CLCN5: variants seen among roughly 807,000 people sequenced by gnomAD.
CLCN5 encodes the protein Cl-/H+ antiporter 5, also known as H(+)/Cl(-) exchange transporter 5.
In CLCN5, 17 loss-of-function variants were observed where a neutral mutation model predicts 54.0. The ratio of observed to expected loss-of-function variants is 0.31; its 90% CI spans 0.22 to 0.47. The LOEUF is 0.47. Ranked by LOEUF, CLCN5 falls within the 20% of genes least tolerant of loss-of-function variation. The pLI is 1.00. For missense variants in CLCN5, 448 were observed against 646.7 expected, an observed-to-expected ratio of 0.69 and a Z score of 3.33; for synonymous variants, 222 against 233.0, an observed-to-expected ratio of 0.95 and a Z score of 0.43.
At chrX:50,031,283 C>T (rs1008547013) in intron 3 of CLCN5, among the ~76,000 whole-genome samples, 6 of 111,682 alleles carry the variant, frequency 5.4e-5, no homozygotes, top group African/African-American at 1.3e-4. Context: ...CTCCTTTGGG[C>T]GAATTTACAG....
Position 50,092,543 on chromosome X carries a change from A to G in CLCN5, c.*324A>G. 1 of 240,112 alleles carries G rather than the reference A, an allele frequency of 4.2e-6. No homozygotes were observed. Among genetic ancestry groups the G allele is most frequent in the Non-Finnish European group, 7.6e-6 (1 of 132,430 alleles). The allele number at this position is 240,112 out of a possible 1,213,427, so 19.8% of individuals were successfully genotyped here. On this transcript the variant is annotated 3_prime_UTR_variant, in exon 15 of 15. Coordinates refer to ENST00000376091, the MANE Select transcript of CLCN5 (RefSeq NM_001127898.4). ...TAGTTAGCCAATATGCAATCACTGA[A>G]AACTATGCAAGAGAAATTCCAACCG...
intron 4 of CLCN5, among the ~76,000 whole-genome samples, chrX:50,056,263 G>T (rs781874822): frequency 1.9e-4 from 21 of 110,568 alleles, no homozygotes; most frequent in South Asian, 3.9e-4. Flanking sequence ...GAGAATTGCT[G>T]CTTCTAAAAC....
At chrX:50,036,139 A>G (rs782217140) in intron 3 of CLCN5, among the ~76,000 whole-genome samples, 2 of 111,854 alleles carry the variant, frequency 1.8e-5, no homozygotes, top group Non-Finnish European at 3.8e-5. Flanking sequence ...TATGGATTCA[A>G]ATCTCAACTC....
At chrX:49,971,602 A>G (rs1416411182) in intron 3 of CLCN5, among the ~76,000 whole-genome samples, 1 of 111,333 alleles carries the variant, frequency 9.0e-6, no homozygotes, top group African/African-American at 3.3e-5. Context: ...CCTGGGAGTG[A>G]ACTGGGATGA....
chrX:50,077,617 AGAGAGTGTGTGTGTGTGT>A (rs1329317464), intron 7 of CLCN5, among the ~76,000 whole-genome samples: 1 of 91,403 alleles, frequency 1.1e-5, no homozygotes, highest in Non-Finnish European at 2.1e-5. Context: ...AGAGAGAGAG[AGAGAGTGTGTGTGTGTGT>A]GTGTGTGTGT....
chrX:49,999,594 A>G (rs1929701043), intron 3 of CLCN5, among the ~76,000 whole-genome samples: 1 of 111,244 alleles, frequency 9.0e-6, no homozygotes, highest in African/African-American at 3.3e-5. Context: ...AATAAAAAAA[A>G]TAATCTGCCC....
At chrX:49,962,144 AT>A (rs1397051586) in intron 3 of CLCN5, among the ~76,000 whole-genome samples, 2 of 111,805 alleles carry the variant, frequency 1.8e-5, no homozygotes, top group Admixed American at 1.9e-4. Context: ...AGATCTAAAC[AT>A]TTGCATGAAT....
intron 3 of CLCN5, among the ~76,000 whole-genome samples, chrX:49,973,440 T>A (rs1429721986): frequency 9.1e-6 from 1 of 110,275 alleles, no homozygotes; most frequent in Admixed American, 9.6e-5. Context: ...TGTATACATG[T>A]GCCATGTTGG....
chrX:49,934,421 G>A (rs1430456606), intron 3 of CLCN5, among the ~76,000 whole-genome samples: 3 of 111,257 alleles, frequency 2.7e-5, no homozygotes, highest in Non-Finnish European at 5.7e-5. Context: ...TGGTGGCTAC[G>A]AATGCCAGAT....
At chrX:50,037,786 T>C (rs1932061481) in intron 3 of CLCN5, among the ~76,000 whole-genome samples, 1 of 112,422 alleles carries the variant, frequency 8.9e-6, no homozygotes, top group East Asian at 2.8e-4. Context: ...AAGTGAAAAC[T>C]TATGTTTTTT....
At position 50,085,987 on chromosome X, in the gene CLCN5, C is replaced by T. The variant is rs151340626; in HGVS notation, c.941C>T (p.Ser314Leu). ...CTGAGTTTTGGATTTTAGGTCTTGT[C>T]GGCTGCAGCAGCAGCTGGTGTATCT... ...KNEAKRREVL[S>L]AAAAAGVSVA... The change falls in exon 10 of 15, where the codon TCG becomes TTG. Residue 314 changes from serine (S) to leucine (L), a missense_variant. Coordinates refer to ENST00000376091, the MANE Select transcript of CLCN5 (RefSeq NM_001127898.4). 1 of 1,207,006 alleles carries T rather than the reference C, an allele frequency of 8.3e-7. No homozygotes were observed.
chrX:50,041,599 G>C (rs1404128880), intron 3 of CLCN5, among the ~76,000 whole-genome samples: 1 of 110,460 alleles, frequency 9.1e-6, no homozygotes, highest in African/African-American at 3.3e-5. Flanking sequence ...TTCTCAAATG[G>C]CCAGCACATT....
chrX:49,973,075 A>G (rs1235363846), intron 3 of CLCN5, among the ~76,000 whole-genome samples: 4 of 111,532 alleles, frequency 3.6e-5, no homozygotes, highest in African/African-American at 6.5e-5. Flanking sequence ...ATGAATATGC[A>G]CTAAAGTTGG....
At chrX:50,083,365 C>T (rs782488673) in intron 9 of CLCN5, among the ~76,000 whole-genome samples, 1 of 111,343 alleles carries the variant, frequency 9.0e-6, no homozygotes, top group Non-Finnish European at 1.9e-5. Flanking sequence ...TGTTTAACTA[C>T]CTGTCATGCA....
At chrX:49,979,171 C>G (rs1401002570) in intron 3 of CLCN5, among the ~76,000 whole-genome samples, 1 of 111,457 alleles carries the variant, frequency 9.0e-6, no homozygotes, top group East Asian at 2.8e-4. Flanking sequence ...TACAAAGTAC[C>G]TACTATTTAT....
chrX:49,939,617 A>G (rs1926214853), intron 3 of CLCN5, among the ~76,000 whole-genome samples: 2 of 110,381 alleles, frequency 1.8e-5, no homozygotes, highest in African/African-American at 6.6e-5. Flanking sequence ...GAAGGGGAAC[A>G]TCACACACCG....
intron 4 of CLCN5, among the ~76,000 whole-genome samples, chrX:50,065,342 G>T (rs1348411201): frequency 5.2e-5 from 4 of 77,171 alleles, no homozygotes; most frequent in Non-Finnish European, 7.3e-5. Flanking sequence ...CCATCAAAAA[G>T]TGGGCGAAGG....
intron 3 of CLCN5, among the ~76,000 whole-genome samples, chrX:49,955,264 A>G: frequency 9.0e-6 from 1 of 111,545 alleles, no homozygotes; most frequent in Non-Finnish European, 1.9e-5. Context: ...CTCTGTTTCT[A>G]AAACAGTCAA....
intron 3 of CLCN5, among the ~76,000 whole-genome samples, chrX:49,955,921 A>G (rs1360530207): frequency 1.8e-5 from 2 of 111,882 alleles, no homozygotes; most frequent in African/African-American, 6.5e-5. Context: ...GATGAGACTG[A>G]TCTTCTAATG....
Sources: allele counts gnomAD v4.1 joint callset (sites outside exome capture counted in the v4.1 genomes callset), GRCh38; gene constraint gnomAD v4.1.1; transcripts MANE v1.5; gene names NCBI Gene and HGNC (gene_info 2026-07-23, HGNC 2026-07-21).